Variants in TMEM230 observed in about 807,000 individuals in gnomAD.
TMEM230 encodes UPF0414 transmembrane protein C20orf30.
Under a neutral mutation model 15.8 loss-of-function variants are expected in TMEM230, and 10 were observed. That is an observed-to-expected ratio of 0.63 (90% confidence interval 0.39 to 1.07). The LOEUF (loss-of-function observed/expected upper bound fraction) is 1.07, where lower values mean the gene tolerates loss of function less well. Among genes scored for constraint, TMEM230 ranks in the 50% least tolerant of loss-of-function variants. The pLI is 0.01. For synonymous variants in TMEM230, 67 were observed against 76.9 expected, an observed-to-expected ratio of 0.87 and a Z score of 0.68; for missense variants, 165 against 193.3, an observed-to-expected ratio of 0.85 and a Z score of 0.87.
chr20:5,071,999 C>A (rs184904630), intron 3 of TMEM230, among the ~76,000 whole-genome samples: 2 of 152,192 alleles, frequency 1.3e-5, no homozygotes, highest in Admixed American at 1.3e-4. Context: ...GATCCACCTG[C>A]CTCAGCCTCC....
At chr20:5,110,180 C>G (rs545994747) in intron 2 of TMEM230, among the ~76,000 whole-genome samples, 82 of 130,244 alleles carry the variant, frequency 6.3e-4, no homozygotes, top group African/African-American at 1.8e-3. Flanking sequence ...CCTCAGCCTC[C>G]CGAGTAGTTG....
chr20:5,070,919 C>CT lies in TMEM230; in HGVS notation c.223-1571dup, dbSNP rs967726854. Among the ~76,000 whole-genome samples the CT allele has an allele frequency of 5.1e-4, 78 of 151,668 alleles. 2 individuals are homozygous for CT. Among genetic ancestry groups the CT allele is most frequent in the African/African-American group, 1.8e-3 (74 of 41,372 alleles). On this transcript the variant is annotated intron_variant, in intron 3 of 3. Coordinates refer to the TMEM230 transcript ENST00000612323. ...ATAGCACAGCACCACTCCTGATTAACTTTTTTTTTGGTTGCTCTGAAACAA... is the reference window on the plus strand; with the variant it reads ...ATAGCACAGCACCACTCCTGATTAACTTTTTTTTTTGGTTGCTCTGAAACAA...
chr20:5,099,257 A>G (rs572194982), downstream of TMEM230, among the ~76,000 whole-genome samples: 3 of 151,906 alleles, frequency 2.0e-5, no homozygotes, highest in East Asian at 5.8e-4. Flanking sequence ...TAATAAATAA[A>G]AAAACCAAAT....
chr20:5,076,182 T>A (rs1413436398), intron 3 of TMEM230, among the ~76,000 whole-genome samples: 1 of 151,966 alleles, frequency 6.6e-6, no homozygotes, highest in Non-Finnish European at 1.5e-5. Flanking sequence ...TAAGGGTACT[T>A]TCTATGGTCT....
chr20:5,075,045 A>G (rs980736256), intron 3 of TMEM230, among the ~76,000 whole-genome samples: 1 of 151,390 alleles, frequency 6.6e-6, no homozygotes, highest in Non-Finnish European at 1.5e-5. Flanking sequence ...AAGTGCATCA[A>G]CCTGTATAGT....
intron 3 of TMEM230, among the ~76,000 whole-genome samples, chr20:5,094,130 TG>T (rs1346088139): frequency 6.6e-6 from 1 of 151,708 alleles, no homozygotes; most frequent in East Asian, 2.0e-4. Flanking sequence ...GGCTAATTTT[TG>T]TATTTTTAGT....
At chr20:5,086,940 C>T (rs1385517791) in intron 3 of TMEM230, among the ~76,000 whole-genome samples, 1 of 152,064 alleles carries the variant, frequency 6.6e-6, no homozygotes, top group Non-Finnish European at 1.5e-5. Flanking sequence ...GTGGTGTGAC[C>T]ATGGCTCATT....
At chr20:5,106,422 A>T (rs2090095583) in intron 3 of TMEM230, 112 bp from the exon 3 acceptor site, 1 of 1,340,178 alleles carries the variant, frequency 7.5e-7, no homozygotes, top group African/African-American at 1.5e-5. Context: ...GTTTGTTTTG[A>T]GATGGAGTTT....
rs2088988642 is a variant in TMEM230, at chr20:5,076,199, T to C, written c.223-6850A>G. On this transcript the variant is annotated intron_variant, in intron 3 of 3. Coordinates refer to the TMEM230 transcript ENST00000612323. The stretch of plus-strand genomic sequence containing the variant: ...AGGGTACTTTCTATGGTCTGGTTGT[T>C]ATTGTGCCCCAGAGGATGATGTGAT... 2.0e-5 allele frequency among the ~76,000 whole-genome samples: 3 copies of C among 151,974 alleles called. No homozygotes were observed. In the South Asian group the frequency reaches 6.2e-4, roughly 32 times the overall value.
intron 3 of TMEM230, among the ~76,000 whole-genome samples, chr20:5,079,211 T>C (rs1402535362): frequency 2.0e-5 from 3 of 151,382 alleles, no homozygotes; most frequent in Admixed American, 1.3e-4. Flanking sequence ...CTGGCCTTGA[T>C]CTCCTGGGTT....
downstream of TMEM230, among the ~76,000 whole-genome samples, chr20:5,095,942 TGTCTTCAAGGACTTCCCTGCAGGGC>T (rs2089653284): frequency 6.6e-6 from 1 of 152,224 alleles, no homozygotes; most frequent in Non-Finnish European, 1.5e-5. Flanking sequence ...TAAAACCTCT[TGTCTTCAAGGACTTCCCTGCAGGGC>T]CTTTCACTTT....
intron 2 of TMEM230, among the ~76,000 whole-genome samples, chr20:5,110,890 T>C (rs2090284918): frequency 6.6e-6 from 1 of 152,188 alleles, no homozygotes; most frequent in Non-Finnish European, 1.5e-5. Flanking sequence ...TAAGACCATT[T>C]GTATTAATAG....
chr20:5,069,001 G>A lies in TMEM230; in HGVS notation c.*187C>T, dbSNP rs11906412. ...AGAGGAGTTGCATAGGGGGTAGAGG[G>A]CAGCTGGAATTCCTTTGGCCTGCTC... On this transcript the variant is annotated 3_prime_UTR_variant, in exon 4 of 4. Transcript: ENST00000612323. 1,603 of 576,212 alleles carry A rather than the reference G, an allele frequency of 2.8e-3. 22 individuals carry two copies. The African/African-American group carries it at 0.028, about 10-fold the overall frequency. 35.7% of individuals were successfully genotyped at this position (576,212 alleles called of 1,614,324 possible).
At chr20:5,086,399 C>T (rs1448147088) in intron 3 of TMEM230, among the ~76,000 whole-genome samples, 12 of 151,588 alleles carry the variant, frequency 7.9e-5, no homozygotes, top group Admixed American at 6.6e-4. Flanking sequence ...ATTAGCCAGG[C>T]GTGGTGGCGT....
At chr20:5,069,562 T>C (rs143375701) in intron 3 of TMEM230, among the ~76,000 whole-genome samples, 13 of 152,188 alleles carry the variant, frequency 8.5e-5, no homozygotes, top group Middle Eastern at 6.8e-3. Flanking sequence ...AAACTACCTC[T>C]GAAGAGAGCA....
At chr20:5,105,843 A>G (rs1309400080) in intron 4 of TMEM230, among the ~76,000 whole-genome samples, 1 of 152,172 alleles carries the variant, frequency 6.6e-6, no homozygotes, top group Non-Finnish European at 1.5e-5. Context: ...GTTAGAGATC[A>G]GCCTGGGCAA....
intron 3 of TMEM230, among the ~76,000 whole-genome samples, chr20:5,089,622 G>A (rs2089450448): frequency 6.7e-6 from 1 of 149,634 alleles, no homozygotes; most frequent in Admixed American, 6.6e-5. Flanking sequence ...AATTGCTTAA[G>A]CCTGTGAGGC....
At chr20:5,064,315 G>A (rs182982955), downstream of TMEM230, among the ~76,000 whole-genome samples, 3 of 149,330 alleles carry the variant, frequency 2.0e-5, no homozygotes, top group Non-Finnish European at 3.0e-5. Context: ...AGTGGCTCAC[G>A]CCTGTAATCC....
chr20:5,088,326 A>G (rs2089413002), intron 3 of TMEM230, among the ~76,000 whole-genome samples: 1 of 151,760 alleles, frequency 6.6e-6, no homozygotes. Flanking sequence ...AAAAAAAAAA[A>G]AAGGTTTCAA....
Sources: gnomAD v4.1 joint callset for allele counts (sites outside exome capture counted in the v4.1 genomes callset) on GRCh38, gnomAD v4.1.1 for gene constraint, MANE v1.5 for transcripts, NCBI Gene and HGNC (gene_info 2026-07-23, HGNC 2026-07-21) for gene names.